Variants in TBCK observed in about 807,000 individuals in gnomAD.
The protein encoded by TBCK is TBC1 domain containing kinase, also known as TBC domain-containing protein kinase-like protein.
A neutral mutation model predicts 113.4 loss-of-function variants in TBCK; 99 were observed. The ratio of observed to expected loss-of-function variants is 0.87; its 90% CI spans 0.74 to 1.03. TBCK has a LOEUF of 1.03. TBCK is among the 50% of genes least tolerant of loss of function. The pLI is 0.00. For synonymous variants in TBCK, 369 were observed against 370.8 expected (o/e 1.00, Z 0.05); for missense variants, 1,045 against 1,061.3 (o/e 0.98, Z 0.21).
At chr4:106,311,077 C>A (rs556977239) in intron 1 of TBCK, among the ~76,000 whole-genome samples, 155 of 152,036 alleles carry the variant, frequency 1.0e-3, no homozygotes, top group Non-Finnish European at 1.9e-3. Flanking sequence ...AATCTGATAA[C>A]ACATAATGTT....
chr4:106,251,851 T>C lies in TBCK; in HGVS notation c.597+15A>G, dbSNP rs766199510. The C allele has an allele frequency of 4.0e-6, 6 of 1,506,282 alleles. No homozygotes were observed. Among genetic ancestry groups the C allele is most frequent in the Admixed American group, 2.1e-5 (1 of 46,580 alleles). The allele number at this position is 1,506,282 out of a possible 1,614,324, so 93.3% of individuals were successfully genotyped here. ...ACAATTTCCTTTTATTATATTAATA[T>C]TTCTTTATACATACCACACAAAGCT... On this transcript the variant is annotated intron_variant, in intron 6 of 25. Coordinates refer to ENST00000394708, the MANE Select transcript of TBCK (RefSeq NM_001163435.3).
chr4:106,219,975 T>C (rs1157853143), intron 19 of TBCK, among the ~76,000 whole-genome samples: 2 of 152,254 alleles, frequency 1.3e-5, no homozygotes, highest in Non-Finnish European at 2.9e-5. Context: ...TTGTTATTTG[T>C]TAAATTTTTA....
chr4:106,047,809 C>A (rs1376296255), intron 25 of TBCK, among the ~76,000 whole-genome samples: 1 of 152,100 alleles, frequency 6.6e-6, no homozygotes, highest in Non-Finnish European at 1.5e-5. Context: ...TTTTCTTTGG[C>A]CCTTTGCCTA....
chr4:106,089,694 T>A (rs1170413099), intron 25 of TBCK, among the ~76,000 whole-genome samples: 1 of 152,170 alleles, frequency 6.6e-6, no homozygotes, highest in Non-Finnish European at 1.5e-5. Context: ...AGGGAGAAAT[T>A]GGCCAAAAGA....
intron 22 of TBCK, among the ~76,000 whole-genome samples, chr4:106,191,298 G>A (rs944861481): frequency 2.0e-5 from 3 of 152,150 alleles, no homozygotes; most frequent in Admixed American, 6.5e-5. Flanking sequence ...ATCCCCCATC[G>A]ATACCGGGGG....
chr4:106,205,978 A>T (rs146235003), intron 20 of TBCK, among the ~76,000 whole-genome samples: 44 of 152,134 alleles, frequency 2.9e-4, no homozygotes, highest in African/African-American at 1.0e-3. Flanking sequence ...TCTCAGAAAA[A>T]TATGTTACTT....
intron 22 of TBCK, among the ~76,000 whole-genome samples, chr4:106,173,578 A>G (rs1054268342): frequency 6.6e-6 from 1 of 152,062 alleles, no homozygotes; most frequent in Non-Finnish European, 1.5e-5. Flanking sequence ...TGGCATTGGA[A>G]AAGTTATTTT....
chr4:106,155,040 A>C (rs1560731483), intron 23 of TBCK, among the ~76,000 whole-genome samples: 1 of 151,908 alleles, frequency 6.6e-6, no homozygotes, highest in Admixed American at 6.6e-5. Flanking sequence ...CTTGTAGGAT[A>C]GGTCTGGTAT....
At chr4:106,076,331 T>C (rs1052371400) in intron 25 of TBCK, among the ~76,000 whole-genome samples, 1 of 152,200 alleles carries the variant, frequency 6.6e-6, no homozygotes, top group Non-Finnish European at 1.5e-5. Flanking sequence ...ATAGTGTATC[T>C]GCACTATAAT....
intron 25 of TBCK, among the ~76,000 whole-genome samples, chr4:106,092,722 T>A (rs1740441509): frequency 6.6e-6 from 1 of 152,212 alleles, no homozygotes; most frequent in Admixed American, 6.5e-5. Flanking sequence ...CCTGGAACTC[T>A]AACTGGCCTG....
At chr4:106,055,021 A>G (rs573397849) in intron 25 of TBCK, among the ~76,000 whole-genome samples, 1 of 151,866 alleles carries the variant, frequency 6.6e-6, no homozygotes, top group African/African-American at 2.4e-5. Flanking sequence ...CTTGTGACAT[A>G]TGTTACTATA....
chr4:106,308,341 A>G (rs1264089635), intron 2 of TBCK, among the ~76,000 whole-genome samples: 1 of 152,202 alleles, frequency 6.6e-6, no homozygotes, highest in Non-Finnish European at 1.5e-5. Flanking sequence ...GAACTTAGGA[A>G]AAAGACTTAG....
At chr4:106,195,140 C>T (rs1754070851) in intron 20 of TBCK, among the ~76,000 whole-genome samples, 1 of 151,946 alleles carries the variant, frequency 6.6e-6, no homozygotes, top group South Asian at 2.1e-4. Context: ...TTGGGGGCTG[C>T]CAATTTATGA....
chr4:106,236,879 A>G (rs1560882510), intron 12 of TBCK, 71 bp from the exon 13 acceptor site: 1 of 832,650 alleles, frequency 1.2e-6, no homozygotes, highest in Non-Finnish European at 1.8e-6. Flanking sequence ...GTTTAAAAAG[A>G]CAAGTAATAT....
Position 106,247,175 on chromosome 4 carries a change from A to C in TBCK, c.895T>G (p.Leu299Val), listed in dbSNP as rs997038529. The C allele has an allele frequency of 6.2e-7, 1 of 1,613,554 alleles. No homozygotes were observed. ...LFSSSLRCAD[L>V]TLPEDISQLC... ...TGACTGATATCCTCAGGCAGAGTTA[A>C]ATCAGCACATCTCAGAGAAGATGAA... is the stretch of plus-strand genomic sequence containing the variant. The change falls in exon 10 of 26, where the codon TTA becomes GTA. Residue 299 changes from leucine (L) to valine (V), a missense_variant. By Grantham distance (32) the Leu-to-Val change is conservative. Coordinates refer to ENST00000394708, the MANE Select transcript of TBCK (RefSeq NM_001163435.3).
At chr4:106,054,989 A>G (rs922715699) in intron 25 of TBCK, among the ~76,000 whole-genome samples, 2 of 151,764 alleles carry the variant, frequency 1.3e-5, no homozygotes, top group African/African-American at 4.8e-5. Context: ...GATGAAGTTT[A>G]TAACTATAGA....
At chr4:106,177,333 T>C (rs1751796380) in intron 22 of TBCK, among the ~76,000 whole-genome samples, 3 of 151,964 alleles carry the variant, frequency 2.0e-5, no homozygotes, top group Admixed American at 6.6e-5. Context: ...TGAAGAATTT[T>C]AGCTTGATGT....
At chr4:106,245,868 T>C (rs549917254) in intron 10 of TBCK, among the ~76,000 whole-genome samples, 16 of 152,184 alleles carry the variant, frequency 1.1e-4, no homozygotes, top group East Asian at 3.8e-4. Context: ...GTAGCCCTTA[T>C]GTCCAGCACT....
intron 21 of TBCK, among the ~76,000 whole-genome samples, chr4:106,194,293 C>A (rs1221755473): frequency 5.9e-5 from 9 of 152,010 alleles, no homozygotes; most frequent in Non-Finnish European, 1.3e-4. Context: ...AGGATGTCCA[C>A]TTTATTAATA....
Sources: allele counts gnomAD v4.1 joint callset (sites outside exome capture counted in the v4.1 genomes callset), GRCh38; gene constraint gnomAD v4.1.1; transcripts MANE v1.5; gene names NCBI Gene and HGNC (gene_info 2026-07-23, HGNC 2026-07-21).